FHIT: variants seen among roughly 807,000 people sequenced by gnomAD.
The protein encoded by FHIT is fragile histidine triad diadenosine triphosphatase.
A neutral mutation model predicts 17.9 loss-of-function variants in FHIT; 19 were observed. The ratio of observed to expected loss-of-function variants is 1.06; its 90% CI spans 0.74 to 1.56. FHIT has a LOEUF of 1.56. Among genes scored for constraint, FHIT ranks in the 40% most tolerant of loss-of-function variants. The pLI is 0.00. For synonymous variants in FHIT, 81 were observed against 69.7 expected (o/e 1.16, Z -0.81); for missense variants, 248 against 189.2 (o/e 1.31, Z -1.82).
chr3:60,689,101 T>A (rs1452916407), intron 4 of FHIT, among the ~76,000 whole-genome samples: 1 of 152,178 alleles, frequency 6.6e-6, no homozygotes, highest in Non-Finnish European at 1.5e-5. Flanking sequence ...TCACAAGATC[T>A]GATGGTTTTA....
intron 2 of FHIT, among the ~76,000 whole-genome samples, chr3:61,092,498 T>TAA (rs201670680): frequency 0.018 from 2,702 of 150,202 alleles, 87 homozygotes; most frequent in African/African-American, 0.063. Flanking sequence ...ATATGTCCCT[T>TAA]AAAAATATAT....
intron 2 of FHIT, among the ~76,000 whole-genome samples, chr3:61,085,212 A>G (rs1384841263): frequency 6.6e-6 from 1 of 152,144 alleles, no homozygotes; most frequent in Non-Finnish European, 1.5e-5. Context: ...AACCTTTTCA[A>G]AAAGTGCCAA....
chr3:61,191,594 G>C (rs1348523989), intron 2 of FHIT, among the ~76,000 whole-genome samples: 2 of 152,076 alleles, frequency 1.3e-5, no homozygotes, highest in Non-Finnish European at 2.9e-5. Flanking sequence ...GTTTTATTAG[G>C]GTGGCCTCCC....
At chr3:60,713,850 AG>A (rs1425224653) in intron 4 of FHIT, among the ~76,000 whole-genome samples, 8 of 151,738 alleles carry the variant, frequency 5.3e-5, no homozygotes, top group Non-Finnish European at 1.2e-4. Flanking sequence ...ATTCTACCAG[AG>A]GTACAAGGAG....
At chr3:60,575,317 TTAGAAATGTAAGCTGAG>T (rs2037529585) in intron 4 of FHIT, among the ~76,000 whole-genome samples, 1 of 152,118 alleles carries the variant, frequency 6.6e-6, no homozygotes, top group Non-Finnish European at 1.5e-5. Context: ...GATTAAGGAA[TTAGAAATGTAAGCTGAG>T]CTCCAGATAC....
intron 3 of FHIT, among the ~76,000 whole-genome samples, chr3:60,957,796 T>C (rs1246947378): frequency 6.6e-6 from 1 of 152,208 alleles, no homozygotes; most frequent in African/African-American, 2.4e-5. Flanking sequence ...CTGTGGTGCC[T>C]AACCACAGCA....
At chr3:60,621,736 G>A (rs782122858) in intron 4 of FHIT, among the ~76,000 whole-genome samples, 1 of 152,032 alleles carries the variant, frequency 6.6e-6, no homozygotes. Flanking sequence ...AGATGAAAAG[G>A]AATCAGGCCA....
At chr3:61,239,884 T>G (rs570940970) in intron 1 of FHIT, among the ~76,000 whole-genome samples, 1 of 151,634 alleles carries the variant, frequency 6.6e-6, no homozygotes, top group Non-Finnish European at 1.5e-5. Flanking sequence ...GTGTAGCCCA[T>G]GGACCAGCAA....
intron 5 of FHIT, among the ~76,000 whole-genome samples, chr3:60,029,965 CAG>C (rs1417662706): frequency 2.8e-5 from 4 of 144,346 alleles, no homozygotes; most frequent in Admixed American, 7.2e-5. Context: ...TGGCTTTTTG[CAG>C]AGTCTTTTAT....
At chr3:60,031,365 T>G (rs1352258913) in intron 5 of FHIT, among the ~76,000 whole-genome samples, 1 of 152,182 alleles carries the variant, frequency 6.6e-6, no homozygotes, top group Non-Finnish European at 1.5e-5. Context: ...AGGGTCAACC[T>G]TTGACTATAG....
chr3:59,999,623 C>G (rs778857573), intron 7 of FHIT, among the ~76,000 whole-genome samples: 19 of 152,030 alleles, frequency 1.2e-4, no homozygotes, highest in Non-Finnish European at 2.2e-4. Flanking sequence ...CAATAGAGGA[C>G]TTTATTGGTC....
chr3:60,304,994 T>C (rs1161353474), intron 5 of FHIT, among the ~76,000 whole-genome samples: 1 of 152,184 alleles, frequency 6.6e-6, no homozygotes, highest in African/African-American at 2.4e-5. Flanking sequence ...GATACAGACA[T>C]TGAATGTAGA....
chr3:60,689,765 T>C (rs1559642186), intron 4 of FHIT, among the ~76,000 whole-genome samples: 1 of 152,184 alleles, frequency 6.6e-6, no homozygotes, highest in Admixed American at 6.5e-5. Flanking sequence ...CACAAATTTA[T>C]TTCTGGACCT....
intron 5 of FHIT, among the ~76,000 whole-genome samples, chr3:60,046,807 T>C (rs1189559084): frequency 6.6e-6 from 1 of 152,212 alleles, no homozygotes; most frequent in African/African-American, 2.4e-5. Flanking sequence ...CAGCCCAAGC[T>C]TTCTGATGCC....
In FHIT at chr3:60,352,799, G is replaced by T. The variant is rs562294434; in HGVS notation, c.103+184061C>A. Among the ~76,000 whole-genome samples, 52 of 152,194 alleles carry T rather than the reference G, an allele frequency of 3.4e-4. 1 individual carries two copies. The highest frequency in any genetic ancestry group is 1.2e-3 in the African/African-American group (50 of 41,550). On this transcript the variant is annotated intron_variant, in intron 5 of 9. Transcript: ENST00000492590. ...AGGTCACTGGGTTTACAGGCTCAATGCACCATACCTGACCTAAAAGCATTT... is the reference window on the plus strand; with the variant it reads ...AGGTCACTGGGTTTACAGGCTCAATTCACCATACCTGACCTAAAAGCATTT...
At chr3:60,758,838 T>A (rs1471966068) in intron 4 of FHIT, among the ~76,000 whole-genome samples, 1 of 152,116 alleles carries the variant, frequency 6.6e-6, no homozygotes, top group East Asian at 1.9e-4. Context: ...AATGATATCT[T>A]ATGTGCTTAT....
intron 2 of FHIT, among the ~76,000 whole-genome samples, chr3:61,118,656 A>T (rs1358899275): frequency 2.0e-5 from 3 of 152,152 alleles, no homozygotes; most frequent in Non-Finnish European, 4.4e-5. Flanking sequence ...TCCACTTTGT[A>T]ACTTTGAGCA....
intron 7 of FHIT, among the ~76,000 whole-genome samples, chr3:59,935,230 T>C (rs1706176047): frequency 6.6e-6 from 1 of 152,216 alleles, no homozygotes; most frequent in Non-Finnish European, 1.5e-5. Flanking sequence ...AAATGACTTT[T>C]AGGAGATACA....
chr3:60,481,269 G>A (rs930613165), intron 5 of FHIT, among the ~76,000 whole-genome samples: 1 of 152,164 alleles, frequency 6.6e-6, no homozygotes, highest in Non-Finnish European at 1.5e-5. Context: ...TTATCCAGGA[G>A]AGCTTCCCCA....
Sources: allele counts gnomAD v4.1 joint callset (sites outside exome capture counted in the v4.1 genomes callset), GRCh38; gene constraint gnomAD v4.1.1; transcripts MANE v1.5; gene names NCBI Gene and HGNC (gene_info 2026-07-23, HGNC 2026-07-21).